The following BOD1L1 variants were observed in gnomAD, a reference collection of about 807,000 sequenced individuals.
BOD1L1 encodes biorientation of chromosomes in cell division 1 like 1, also known as biorientation of chromosomes in cell division protein 1-like 1.
Under a neutral mutation model 240.7 loss-of-function variants are expected in BOD1L1, and 86 were observed. The ratio of observed to expected loss-of-function variants is 0.36; its 90% CI spans 0.30 to 0.43. The LOEUF is 0.43. BOD1L1 is among the 20% of genes least tolerant of loss of function. The pLI, the probability that BOD1L1 is intolerant of heterozygous loss-of-function variation, is 1.00. For missense variants in BOD1L1, 3,554 were observed against 3,643.5 expected, an observed-to-expected ratio of 0.98 and a Z score of 0.63; for synonymous variants, 1,268 against 1,272.3, an observed-to-expected ratio of 1.00 and a Z score of 0.07.
In BOD1L1 at chr4:13,627,358, T is replaced by G. The variant is rs1209220012; in HGVS notation, c.230A>C (p.Asp77Ala). ...FDQFRRDCLA[D>A]VDTKPAYQNL... ...CGCGCTCCTAACCTTGGTGTCCACG[T>G]CGGCCAGGCAGTCTCTGCGGAACTG... Residue 77 changes from aspartate to alanine, a missense_variant, in exon 1 of 26, where the codon GAC (aspartate) becomes GCC (alanine). Around this residue, in one of 2 missense-constraint regions of BOD1L1, gnomAD observed 161 missense variants for 216.4 expected, o/e 0.74. Coordinates refer to ENST00000040738, the MANE Select transcript of BOD1L1 (RefSeq NM_148894.3). 1 of 1,334,430 alleles carries G rather than the reference T, an allele frequency of 7.5e-7. No individual in the cohort carries two copies. The highest frequency in any genetic ancestry group is 9.7e-7 in the Non-Finnish European group (1 of 1,031,666). 82.7% of individuals were successfully genotyped at this position (1,334,430 alleles called of 1,614,324 possible).
chr4:13,580,183 T>C, intron 21 of BOD1L1: 1 of 549,846 alleles, frequency 1.8e-6, no homozygotes, highest in Non-Finnish European at 3.2e-6. Flanking sequence ...ACTTCCCTTT[T>C]GTGATGCTAC....
At chr4:13,620,659 C>A (rs771561375) in intron 1 of BOD1L1, among the ~76,000 whole-genome samples, 1 of 152,132 alleles carries the variant, frequency 6.6e-6, no homozygotes, top group Non-Finnish European at 1.5e-5. Flanking sequence ...AATGGGAGCC[C>A]ACTGCACATA....
rs1341398013 is a variant in BOD1L1, at chr4:13,569,255, C to T, written c.*756G>A. On this transcript the variant is annotated 3_prime_UTR_variant, in exon 26 of 26. Transcript: ENST00000040738. ...TTTCTGCTGCAGGTGACTGACGCAA[C>T]TTTACCTGAACCAGAACCTGTTTTG... is the stretch of plus-strand genomic sequence containing the variant. The T allele has an allele frequency of 6.6e-6, 1 of 152,168 alleles. No individual in the cohort carries two copies. The highest frequency in any genetic ancestry group is 2.1e-4 in the South Asian group (1 of 4,824). The allele number at this position is 152,168 out of a possible 1,614,324, so 9.4% of individuals were successfully genotyped here.
At position 13,615,332 on chromosome 4, in the gene BOD1L1, T is replaced by C; in HGVS notation, c.539A>G (p.Asp180Gly). 1 of 1,611,744 alleles carries C rather than the reference T, an allele frequency of 6.2e-7. No individual in the cohort carries two copies. The highest frequency in any genetic ancestry group is 1.7e-5 in the Admixed American group (1 of 59,512). Reference sequence around the variant, plus strand: ...AGCACCTTGTGTAATAAGGGAAGTGTCTGGTTTCTCATCATCGGGAGCTGT... The same window carrying C: ...AGCACCTTGTGTAATAAGGGAAGTGCCTGGTTTCTCATCATCGGGAGCTGT... ...GNTAPDDEKP[D>G]TSLITQGVPT... Residue 180 changes from aspartate (D) to glycine (G), a missense_variant, in exon 3 of 26, where the codon GAC becomes GGC. Asp to Gly is a moderately conservative substitution (Grantham distance 94, BLOSUM62 -1). This residue lies in a region of BOD1L1 where 3,393 missense variants were observed against 3,427.1 expected (regional missense o/e 0.99). Transcript: ENST00000040738.
intron 12 of BOD1L1, chr4:13,593,116 C>A (rs1553839392): frequency 6.6e-6 from 1 of 152,120 alleles, no homozygotes; most frequent in Non-Finnish European, 1.5e-5. Flanking sequence ...ATACGGGATG[C>A]TCAATGAGGT....
At position 13,614,325 on chromosome 4, in the gene BOD1L1, A is replaced by C; in HGVS notation, c.1045T>G (p.Ser349Ala). The C allele has an allele frequency of 6.5e-7, 1 of 1,549,602 alleles. No individual in the cohort carries two copies. Among genetic ancestry groups the C allele is most frequent in the Non-Finnish European group, 8.7e-7 (1 of 1,146,534 alleles). Residue 349 changes from serine (S) to alanine (A), a missense_variant, in exon 4 of 26, where the codon TCA becomes GCA. This residue lies in a region of BOD1L1 where 3,393 missense variants were observed against 3,427.1 expected (regional missense o/e 0.99). Transcript: ENST00000040738. The part of the protein sequence containing the change: ...KEKTEKKFDH[S>A]KKSEDTQKVK... ...TTCTGTGTATCTTCACTCTTTTTTG[A>C]GTGATCAAATTTCTTTTCAGTCTTT...
chr4:13,599,234 G>C lies in BOD1L1; in HGVS notation c.7666C>G (p.Gln2556Glu). The change falls in exon 10 of 26, where the codon CAG (glutamine) becomes GAG (glutamate). Residue 2556 changes from glutamine (Q) to glutamate (E), a missense_variant. Physicochemically the swap from Gln to Glu is conservative, Grantham distance 29 (BLOSUM62 2). Coordinates refer to ENST00000040738, the MANE Select transcript of BOD1L1 (RefSeq NM_148894.3). The stretch of plus-strand genomic sequence containing the variant: ...TTCAAGTTGTCTTCAGACCCCTGCT[G>C]CTCAGCAGGAAGAAAGGAATGCTCA... The part of the protein sequence containing the change: ...VAEHSFLPAE[Q>E]QGSEDNLKTS... 1 of 1,613,696 alleles carries C rather than the reference G, an allele frequency of 6.2e-7. No homozygotes were observed. Among genetic ancestry groups the C allele is most frequent in the East Asian group, 2.2e-5 (1 of 44,876 alleles).
chr4:13,620,150 A>T, intron 1 of BOD1L1, 83 bp from the exon 2 acceptor site: 2 of 1,375,276 alleles, frequency 1.5e-6, no homozygotes, highest in Non-Finnish European at 1.9e-6. Flanking sequence ...TTACCATGGG[A>T]CAACAAAGTT....
intron 14 of BOD1L1, among the ~76,000 whole-genome samples, chr4:13,589,761 T>C (rs910488490): frequency 6.6e-6 from 1 of 152,198 alleles, no homozygotes; most frequent in South Asian, 2.1e-4. Flanking sequence ...AAAACTAGGT[T>C]GGGGGCACAT....
At chr4:13,607,222 A>G (rs377387258) in intron 8 of BOD1L1, 33 bp from the exon 9 acceptor site, 11 of 1,353,208 alleles carry the variant, frequency 8.1e-6, no homozygotes, top group Non-Finnish European at 9.7e-6. Context: ...TAAAGCATGA[A>G]TCAAATACGA....
At chr4:13,576,026 C>A (rs1471749057) in intron 25 of BOD1L1, among the ~76,000 whole-genome samples, 2 of 151,604 alleles carry the variant, frequency 1.3e-5, no homozygotes, top group African/African-American at 4.9e-5. Flanking sequence ...CCTCAGCCTC[C>A]CGAGTAGCTG....
At chr4:13,590,328 C>T in intron 14 of BOD1L1, 58 bp downstream of exon 14, 2 of 920,052 alleles carry the variant, frequency 2.2e-6, no homozygotes, top group Non-Finnish European at 3.3e-6. Context: ...ATACAGACCA[C>T]ACTCAATAAA....
intron 1 of BOD1L1, among the ~76,000 whole-genome samples, chr4:13,621,584 G>A (rs1322281794): frequency 6.6e-6 from 1 of 152,170 alleles, no homozygotes; most frequent in African/African-American, 2.4e-5. Flanking sequence ...TCGGAAGCAA[G>A]GCATATTTAT....
chr4:13,572,930 G>A (rs1327473212), intron 25 of BOD1L1: 1 of 1,134,390 alleles, frequency 8.8e-7, no homozygotes, highest in Non-Finnish European at 1.1e-6. Context: ...GCTCCTTGTG[G>A]GCAAGTCAGA....
rs138377216 is a variant in BOD1L1, at chr4:13,598,421, G to A, written c.7954+525C>T. 1.2e-4 allele frequency among the ~76,000 whole-genome samples: 18 copies of A among 152,158 alleles called. No homozygotes were observed. The East Asian group carries it at 3.5e-3, about 29-fold the overall frequency. ...GTGTTTGCCTTTGTATTATCATCCC[G>A]TCTTATTATCCCCATTTTATACAAC... On this transcript the variant is annotated intron_variant, in intron 10 of 25. Transcript: ENST00000040738.
In BOD1L1 at chr4:13,601,338, A is replaced by C. The variant is rs1560200213; in HGVS notation, c.5562T>G (p.Ile1854Met). The part of the protein sequence containing the change: ...VAAGPCDDEG[I>M]VTSTGAKEED... ...CCTCTTTTGCGCCTGTGCTAGTCAC[A>C]ATGCCTTCATCATCACAAGGACCAG... is the stretch of plus-strand genomic sequence containing the variant. Residue 1854 changes from isoleucine (I) to methionine (M), a missense_variant, in exon 10 of 26, where the codon ATT (isoleucine) becomes ATG (methionine). By Grantham distance (10) the Ile-to-Met change is conservative. Coordinates refer to ENST00000040738, the MANE Select transcript of BOD1L1 (RefSeq NM_148894.3). The C allele has an allele frequency of 6.2e-7, 1 of 1,614,022 alleles. No individual in the cohort carries two copies.
chr4:13,582,287 T>C lies in BOD1L1; in HGVS notation c.8542A>G (p.Thr2848Ala), dbSNP rs201668743. 1.0e-4 allele frequency: 168 copies of C among 1,613,298 alleles called. 2 individuals carry two copies. Among genetic ancestry groups the C allele is most frequent in the South Asian group, 9.8e-4 (89 of 91,050 alleles). The change falls in exon 19 of 26, where the codon ACT becomes GCT. Residue 2848 changes from threonine to alanine, a missense_variant. Physicochemically the swap from Thr to Ala is moderately conservative, Grantham distance 58. This residue lies in a region of BOD1L1 where 3,393 missense variants were observed against 3,427.1 expected (regional missense o/e 0.99). Transcript: ENST00000040738. ...EKDEYSSSET[T>A]GEKPEQNDDD... is the part of the protein sequence containing the mutation. Reference sequence around the variant, plus strand: ...TCGTTCTGCTCTGGCTTTTCACCAGTAGTTTCACTGCTGCTATATTCATCT... The same window carrying C: ...TCGTTCTGCTCTGGCTTTTCACCAGCAGTTTCACTGCTGCTATATTCATCT...
At chr4:13,593,504 T>G (rs1714383518) in intron 12 of BOD1L1, 1 of 152,066 alleles carries the variant, frequency 6.6e-6, no homozygotes. Context: ...TGGTTACTCA[T>G]AGGGAGTGGG....
At chr4:13,624,081 A>C (rs1453010388) in intron 1 of BOD1L1, 1 of 152,154 alleles carries the variant, frequency 6.6e-6, no homozygotes, top group Non-Finnish European at 1.5e-5. Flanking sequence ...AATGAGAACA[A>C]ATCTTTTAAA....
Sources: gnomAD v4.1 joint callset for allele counts (sites outside exome capture counted in the v4.1 genomes callset) on GRCh38, gnomAD v4.1.1 for gene constraint, gnomAD v4.1.1 regional missense constraint, MANE v1.5 for transcripts, NCBI Gene and HGNC (gene_info 2026-07-23, HGNC 2026-07-21) for gene names.